Variants in MAD1L1 observed in about 807,000 individuals in gnomAD.
The protein encoded by MAD1L1 is mitotic spindle assembly checkpoint protein MAD1.
Under a neutral mutation model 96.9 loss-of-function variants are expected in MAD1L1, and 95 were observed. The observed-to-expected ratio is 0.98, with a 90% CI of 0.83 to 1.16. The LOEUF (loss-of-function observed/expected upper bound fraction) is 1.16, where lower values mean the gene tolerates loss of function less well. Among genes scored for constraint, MAD1L1 ranks in the 50% most tolerant of loss-of-function variants. The pLI is 0.00. For synonymous variants in MAD1L1, 473 were observed against 396.6 expected, an observed-to-expected ratio of 1.19 and a Z score of -2.29; for missense variants, 1,007 against 954.4, an observed-to-expected ratio of 1.06 and a Z score of -0.73.
At chr7:1,854,161 C>A (rs1206183490) in intron 18 of MAD1L1, among the ~76,000 whole-genome samples, 2 of 152,160 alleles carry the variant, frequency 1.3e-5, no homozygotes, top group African/African-American at 2.4e-5. Context: ...GCACCTCCAC[C>A]CCCGCCCCAG....
intron 18 of MAD1L1, among the ~76,000 whole-genome samples, chr7:1,818,337 C>T (rs1387176115): frequency 3.9e-5 from 6 of 152,096 alleles, no homozygotes; most frequent in Non-Finnish European, 1.5e-5. Flanking sequence ...ACCCGCCTTC[C>T]CCGGCCCTCA....
chr7:2,089,981 T>G, intron 11 of MAD1L1, among the ~76,000 whole-genome samples: 1 of 152,330 alleles, frequency 6.6e-6, no homozygotes, highest in South Asian at 2.1e-4. Context: ...CCTAGTGATG[T>G]TGGTTTGCTA....
At chr7:2,039,774 G>C (rs1365291868) in intron 12 of MAD1L1, among the ~76,000 whole-genome samples, 1 of 152,108 alleles carries the variant, frequency 6.6e-6, no homozygotes, top group African/African-American at 2.4e-5. Context: ...GTCTTTGTCA[G>C]ATATGAAGCT....
chr7:1,942,956 A>C (rs1288122068), intron 16 of MAD1L1, among the ~76,000 whole-genome samples: 1 of 152,220 alleles, frequency 6.6e-6, no homozygotes, highest in Non-Finnish European at 1.5e-5. Flanking sequence ...AACACAGTGG[A>C]GAGTCCAGGA....
chr7:2,048,185 G>A (rs569407347), intron 12 of MAD1L1, among the ~76,000 whole-genome samples: 28 of 152,292 alleles, frequency 1.8e-4, no homozygotes, highest in Admixed American at 5.9e-4. Flanking sequence ...CCGGGTGCAC[G>A]CATGTGCACA....
At chr7:1,858,237 T>TG (rs1207004191) in intron 18 of MAD1L1, among the ~76,000 whole-genome samples, 2 of 152,224 alleles carry the variant, frequency 1.3e-5, no homozygotes, top group Non-Finnish European at 2.9e-5. Context: ...CAGAGTCCCC[T>TG]GCTCGCCACA....
At chr7:2,198,987 C>T (rs1036985587) in intron 10 of MAD1L1, among the ~76,000 whole-genome samples, 1 of 152,202 alleles carries the variant, frequency 6.6e-6, no homozygotes, top group African/African-American at 2.4e-5. Context: ...TGAGGTCAGG[C>T]AGTGGGATCC....
intron 10 of MAD1L1, among the ~76,000 whole-genome samples, chr7:2,165,331 T>G (rs1338920792): frequency 6.6e-6 from 1 of 152,262 alleles, no homozygotes; most frequent in African/African-American, 2.4e-5. Flanking sequence ...AACTCTGGAC[T>G]GATAGAAGTG....
At chr7:2,215,023 G>A (rs983619520) in intron 9 of MAD1L1, among the ~76,000 whole-genome samples, 1 of 152,122 alleles carries the variant, frequency 6.6e-6, no homozygotes, top group African/African-American at 2.4e-5. Context: ...CTTGAGCCCA[G>A]GAGTTCAGGA....
At chr7:2,067,898 G>A (rs980345936) in intron 12 of MAD1L1, among the ~76,000 whole-genome samples, 1 of 152,254 alleles carries the variant, frequency 6.6e-6, no homozygotes, top group Non-Finnish European at 1.5e-5. Flanking sequence ...GCCTGGCCCC[G>A]CTAGAAGAGC....
chr7:2,069,101 C>T, intron 12 of MAD1L1, 93 bp downstream of exon 12: 1 of 1,426,166 alleles, frequency 7.0e-7, no homozygotes, highest in East Asian at 2.7e-5. Flanking sequence ...CCGGCTGCAG[C>T]ACTCCTGCCT....
chr7:1,927,612 G>A (rs543232707), intron 17 of MAD1L1, among the ~76,000 whole-genome samples: 2 of 152,118 alleles, frequency 1.3e-5, no homozygotes, highest in Admixed American at 6.5e-5. Flanking sequence ...CAATAATAAT[G>A]GCACAATTGG....
Position 1,816,160 on chromosome 7 carries a change from G to A in MAD1L1, c.2067C>T (p.Leu689=). The A allele has an allele frequency of 6.2e-7, 1 of 1,613,470 alleles. No homozygotes were observed. The highest frequency in any genetic ancestry group is 8.5e-7 in the Non-Finnish European group (1 of 1,179,920). The change falls in exon 19 of 19, where the codon CTC becomes CTT. Residue 689 remains leucine (L), a synonymous_variant. Coordinates refer to ENST00000265854, the MANE Select transcript of MAD1L1 (RefSeq NM_001013836.2). ...CCTGGCGCCGCAGGTGCACCTCGAT[G>A]AGCTCGCCCACGGTGTGTGAGAACT... ...ETEFSHTVGE[L]IEVHLRRQDS...
At chr7:1,926,051 C>T (rs1250950746) in intron 17 of MAD1L1, among the ~76,000 whole-genome samples, 1 of 152,046 alleles carries the variant, frequency 6.6e-6, no homozygotes, top group African/African-American at 2.4e-5. Context: ...AAGACATAAA[C>T]GACCAGTATC....
intron 18 of MAD1L1, among the ~76,000 whole-genome samples, chr7:1,817,991 C>T (rs889926750): frequency 3.5e-4 from 52 of 149,550 alleles, no homozygotes; most frequent in Admixed American, 1.2e-3. Flanking sequence ...CTCCCCCTGC[C>T]CTCCCCCTGT....
intron 18 of MAD1L1, among the ~76,000 whole-genome samples, chr7:1,873,718 C>A (rs1562479230): frequency 6.6e-6 from 1 of 152,042 alleles, no homozygotes; most frequent in South Asian, 2.1e-4. Flanking sequence ...CAGGATGTGC[C>A]CTGACAAGGG....
chr7:2,044,795 A>T (rs1783846481), intron 12 of MAD1L1, among the ~76,000 whole-genome samples: 2 of 152,140 alleles, frequency 1.3e-5, no homozygotes, highest in African/African-American at 2.4e-5. Flanking sequence ...ACCCCAAGAA[A>T]TGGAGGCCAT....
intron 13 of MAD1L1, among the ~76,000 whole-genome samples, chr7:2,011,251 C>G (rs1782288052): frequency 6.6e-6 from 1 of 152,174 alleles, no homozygotes; most frequent in Non-Finnish European, 1.5e-5. Context: ...GGGGGCATCC[C>G]TGGCTTGGGC....
intron 8 of MAD1L1, 51 bp from the exon 9 acceptor site, chr7:2,216,050 G>C: frequency 6.2e-7 from 1 of 1,611,548 alleles, no homozygotes; most frequent in South Asian, 1.1e-5. Context: ...CTAGGGATAA[G>C]GCCAAGAGCC....
Sources: gnomAD v4.1 joint callset for allele counts (sites outside exome capture counted in the v4.1 genomes callset) on GRCh38, gnomAD v4.1.1 for gene constraint, MANE v1.5 for transcripts, NCBI Gene and HGNC (gene_info 2026-07-23, HGNC 2026-07-21) for gene names.